Variants in PUDP observed in about 807,000 individuals in gnomAD.
PUDP encodes the protein pseudouridine-5'-phosphatase.
PUDP carries 8 observed loss-of-function variants against 9.4 expected under a neutral mutation model. The observed-to-expected ratio is 0.85, with a 90% CI of 0.50 to 1.53. The LOEUF (loss-of-function observed/expected upper bound fraction) is 1.53. Among genes scored for constraint, PUDP ranks in the 40% most tolerant of loss-of-function variants. The pLI is 0.00. For synonymous variants in PUDP, 99 were observed against 80.7 expected, an observed-to-expected ratio of 1.23 and a Z score of -1.22; for missense variants, 188 against 189.7, an observed-to-expected ratio of 0.99 and a Z score of 0.05.
chrX:7,081,019 T>G (rs978089990), intron 2 of PUDP, among the ~76,000 whole-genome samples: 2 of 112,049 alleles, frequency 1.8e-5, no homozygotes, highest in Non-Finnish European at 3.8e-5. Flanking sequence ...AACAAGATTT[T>G]TAAATTGCTA....
At chrX:6,750,632 A>C (rs1447764649) in intron 3 of PUDP, among the ~76,000 whole-genome samples, 2 of 111,457 alleles carry the variant, frequency 1.8e-5, no homozygotes, top group Non-Finnish European at 3.8e-5. Context: ...TTTCCCTCAA[A>C]GAAACAGTTT....
At chrX:7,050,734 G>A (rs1343984261) in intron 3 of PUDP, among the ~76,000 whole-genome samples, 1 of 112,300 alleles carries the variant, frequency 8.9e-6, no homozygotes, top group Admixed American at 9.4e-5. Flanking sequence ...CAGCTGTGTG[G>A]TGAGGCAAGA....
intron 3 of PUDP, among the ~76,000 whole-genome samples, chrX:6,760,221 T>C (rs1201895453): frequency 1.8e-5 from 2 of 110,971 alleles, no homozygotes; most frequent in Non-Finnish European, 3.8e-5. Context: ...CAACTGGGAG[T>C]GAATTTGTCC....
At chrX:6,741,160 C>CA (rs533050762) in intron 3 of PUDP, among the ~76,000 whole-genome samples, 276 of 78,610 alleles carry the variant, frequency 3.5e-3, no homozygotes, top group Admixed American at 5.8e-3. Context: ...ACTCCATCTC[C>CA]AAAAAAAAAA....
chrX:6,717,636 A>G (rs1924615590), intron 1 of PUDP, among the ~76,000 whole-genome samples: 1 of 111,938 alleles, frequency 8.9e-6, no homozygotes, highest in Non-Finnish European at 1.9e-5. Context: ...CCAACAGAAC[A>G]TGGCCACAGC....
At chrX:6,888,390 C>T (rs184899483) in intron 3 of PUDP, among the ~76,000 whole-genome samples, 83 of 110,293 alleles carry the variant, frequency 7.5e-4, no homozygotes, top group African/African-American at 2.3e-3. Flanking sequence ...ACCTGTAATC[C>T]CAGCACTCTG....
chrX:7,084,063 G>A (rs1283992342), intron 2 of PUDP, among the ~76,000 whole-genome samples: 1 of 111,741 alleles, frequency 8.9e-6, no homozygotes, highest in South Asian at 3.8e-4. Context: ...GTCACCCTCC[G>A]GCCTCCATCC....
intron 2 of PUDP, among the ~76,000 whole-genome samples, chrX:7,079,487 A>G (rs7050156): frequency 0.024 from 2,683 of 112,677 alleles, 49 homozygotes; most frequent in African/African-American, 0.053. Context: ...CGTTTATGTA[A>G]TACTTCTCCC....
At chrX:6,762,814 G>GA (rs1446354873) in intron 3 of PUDP, among the ~76,000 whole-genome samples, 1 of 112,002 alleles carries the variant, frequency 8.9e-6, no homozygotes, top group African/African-American at 3.2e-5. Flanking sequence ...ACCCTGGAGA[G>GA]AAAAACATTT....
At chrX:7,138,674 C>T (rs958010908) in intron 1 of PUDP, among the ~76,000 whole-genome samples, 2 of 111,440 alleles carry the variant, frequency 1.8e-5, no homozygotes, top group African/African-American at 3.3e-5. Context: ...TCCCCAGCCC[C>T]AGTCTCGTAT....
At chrX:6,991,387 T>G (rs764263912) in intron 1 of PUDP, among the ~76,000 whole-genome samples, 2 of 111,284 alleles carry the variant, frequency 1.8e-5, no homozygotes, top group Admixed American at 9.6e-5. Flanking sequence ...TTAAAAAAAT[T>G]TTTTTTAAAT....
At chrX:6,764,343 C>A (rs759648910) in intron 3 of PUDP, among the ~76,000 whole-genome samples, 162 of 111,952 alleles carry the variant, frequency 1.4e-3, no homozygotes, top group African/African-American at 5.1e-3. Context: ...ACAAAGGCCA[C>A]CCTGGACATA....
chrX:6,771,299 C>G (rs1925359643), intron 3 of PUDP, among the ~76,000 whole-genome samples: 1 of 112,063 alleles, frequency 8.9e-6, no homozygotes, highest in Admixed American at 9.5e-5. Context: ...AGCTTCCTTT[C>G]TTTGCACGCT....
chrX:6,802,834 AAGATGGTGCCACTGCACTCC>A (rs1337090120), intron 3 of PUDP, among the ~76,000 whole-genome samples: 1 of 107,607 alleles, frequency 9.3e-6, no homozygotes, highest in Non-Finnish European at 1.9e-5. Context: ...GCAGTGAGCC[AAGATGGTGCCACTGCACTCC>A]AGACTGGGCA....
chrX:7,003,507 AT>A (rs1277083473), intron 1 of PUDP, among the ~76,000 whole-genome samples: 1 of 112,184 alleles, frequency 8.9e-6, no homozygotes, highest in Non-Finnish European at 1.9e-5. Context: ...CTAGAAGACA[AT>A]ATATGTGCCT....
In PUDP at chrX:7,117,962, C is replaced by T. The variant is rs1932242528; in HGVS notation, c.62-12124G>A. Among the ~76,000 whole-genome samples the T allele has an allele frequency of 1.8e-5, 2 of 113,210 alleles. 1 individual carries two copies. The highest frequency in any genetic ancestry group is 6.4e-5 in the African/African-American group (2 of 31,162). Reference sequence around the variant, plus strand: ...GCTCTGTAGGCACACAAGCCACACGCCTTAGTGGCTTGCTTTCTGTATAGC... The same window carrying T: ...GCTCTGTAGGCACACAAGCCACACGTCTTAGTGGCTTGCTTTCTGTATAGC... On this transcript the variant is annotated intron_variant, in intron 1 of 3. Transcript: ENST00000381077.
rs749689884 is a variant in PUDP at position 7,015,919 on chromosome X, G to T, written c.205-37576C>A. ...GCCAGTTTTTACACAGGAAGGTAGAGGGAAAATTAGAGTCCGATTTTTAGG... is the reference window on the plus strand; with the variant it reads ...GCCAGTTTTTACACAGGAAGGTAGATGGAAAATTAGAGTCCGATTTTTAGG... On this transcript the variant is annotated intron_variant and NMD_transcript_variant, in intron 1 of 3. Transcript: ENST00000655425. Among the ~76,000 whole-genome samples, 7 of 110,650 alleles carry T rather than the reference G, an allele frequency of 6.3e-5. No homozygotes were observed. In the Admixed American group the frequency reaches 6.8e-4, roughly 11 times the overall value.
downstream of PUDP, among the ~76,000 whole-genome samples, chrX:7,046,742 A>C (rs183140245): frequency 3.7e-4 from 42 of 112,495 alleles, no homozygotes; most frequent in Non-Finnish European, 1.3e-4. Flanking sequence ...CGGTTTTGAA[A>C]TAAGCAGTGA....
chrX:6,920,998 C>T lies in PUDP; in HGVS notation c.*247+56135G>A, dbSNP rs375431386. 4.5e-5 allele frequency among the ~76,000 whole-genome samples: 5 copies of T among 110,965 alleles called. No homozygotes were observed. In the East Asian group the frequency reaches 8.5e-4, roughly 19 times the overall value. On this transcript the variant is annotated intron_variant and NMD_transcript_variant, in intron 3 of 3. Transcript: ENST00000655425. ...TTATATACCCCATGGACCACTGGGC[C>T]TGAGAGTGGGGTGAGTGTCCTCCTT...
Sources: allele counts gnomAD v4.1 joint callset (sites outside exome capture counted in the v4.1 genomes callset), GRCh38; gene constraint gnomAD v4.1.1; transcripts MANE v1.5; gene names NCBI Gene and HGNC (gene_info 2026-07-23, HGNC 2026-07-21).